NRG3: variants seen among roughly 807,000 people sequenced by gnomAD.
NRG3 encodes the protein pro-neuregulin-3, membrane-bound isoform.
Under a neutral mutation model 66.9 loss-of-function variants are expected in NRG3, and 31 were observed. The ratio of observed to expected loss-of-function variants is 0.46; its 90% CI spans 0.35 to 0.63. The LOEUF (loss-of-function observed/expected upper bound fraction) is 0.63, where lower values mean the gene tolerates loss of function less well. Ranked by LOEUF, NRG3 falls within the 20% of genes least tolerant of loss-of-function variation. The pLI, the probability that NRG3 is intolerant of heterozygous loss-of-function variation, is 0.00. For missense variants in NRG3, 910 were observed against 878.9 expected, an observed-to-expected ratio of 1.04 and a Z score of -0.45; for synonymous variants, 393 against 359.4, an observed-to-expected ratio of 1.09 and a Z score of -1.06.
intron 1 of NRG3, among the ~76,000 whole-genome samples, chr10:82,122,772 C>T (rs926280359): frequency 2.6e-5 from 4 of 152,168 alleles, no homozygotes; most frequent in Non-Finnish European, 5.9e-5. Context: ...TGTGTGTCAA[C>T]AAATTCTCAT....
chr10:82,617,643 G>C (rs2048755697), intron 2 of NRG3, among the ~76,000 whole-genome samples: 1 of 152,114 alleles, frequency 6.6e-6, no homozygotes, highest in South Asian at 2.1e-4. Flanking sequence ...AAGTTTCTTA[G>C]GAAAAACAAT....
At chr10:82,517,986 C>A (rs182943597) in intron 2 of NRG3, among the ~76,000 whole-genome samples, 95 of 152,212 alleles carry the variant, frequency 6.2e-4, no homozygotes, top group Admixed American at 1.9e-3. Context: ...TGGGATAGAT[C>A]TACGCGTATT....
At chr10:81,906,064 G>C (rs544009552) in intron 1 of NRG3, among the ~76,000 whole-genome samples, 1 of 152,074 alleles carries the variant, frequency 6.6e-6, no homozygotes, top group Admixed American at 6.5e-5. Flanking sequence ...TTATTAAAAG[G>C]GTACCTTGTT....
intron 3 of NRG3, among the ~76,000 whole-genome samples, chr10:82,843,061 A>G (rs1438733179): frequency 6.6e-6 from 1 of 152,212 alleles, no homozygotes; most frequent in Non-Finnish European, 1.5e-5. Flanking sequence ...ATATTTTTGG[A>G]CCATAATTGA....
At chr10:82,871,452 A>G (rs964921175) in intron 4 of NRG3, among the ~76,000 whole-genome samples, 1 of 152,152 alleles carries the variant, frequency 6.6e-6, no homozygotes, top group African/African-American at 2.4e-5. Flanking sequence ...AAGATACACA[A>G]TGTAACTTCC....
At chr10:82,030,984 A>G (rs2062544645) in intron 1 of NRG3, among the ~76,000 whole-genome samples, 1 of 152,188 alleles carries the variant, frequency 6.6e-6, no homozygotes, top group Non-Finnish European at 1.5e-5. Context: ...ACCTGATTAT[A>G]AAATCAAAGT....
At chr10:81,941,746 G>A (rs1848421198) in intron 1 of NRG3, among the ~76,000 whole-genome samples, 1 of 152,122 alleles carries the variant, frequency 6.6e-6, no homozygotes, top group Admixed American at 6.6e-5. Flanking sequence ...GGGGAAATCT[G>A]TTCAGGAATA....
intron 1 of NRG3, among the ~76,000 whole-genome samples, chr10:81,983,289 A>C (rs182119539): frequency 6.6e-6 from 1 of 152,216 alleles, no homozygotes; most frequent in African/African-American, 2.4e-5. Flanking sequence ...TTGTTCTAGG[A>C]TACCTGGAAT....
chr10:82,981,069 G>C (rs1852834919), intron 8 of NRG3, among the ~76,000 whole-genome samples: 1 of 152,038 alleles, frequency 6.6e-6, no homozygotes, highest in African/African-American at 2.4e-5. Context: ...TTTTCTATTG[G>C]GCACTGTTAT....
chr10:82,182,360 A>AT lies in NRG3; in HGVS notation c.824-176373dup, dbSNP rs546054954. ...TGATATCTTCCTTTATGTTTCATTGATTTTTTATAGTGACATGCATTGTTT... is the reference window on the plus strand; with the variant it reads ...TGATATCTTCCTTTATGTTTCATTGATTTTTTTATAGTGACATGCATTGTTT... On this transcript the variant is annotated intron_variant, in intron 1 of 8. Coordinates refer to ENST00000372141, the MANE Select transcript of NRG3 (RefSeq NM_001010848.4). Among the ~76,000 whole-genome samples the AT allele has an allele frequency of 1.9e-4, 29 of 151,502 alleles. No individual in the cohort carries two copies. The East Asian group carries it at 4.7e-3, about 24-fold the overall frequency.
At chr10:82,139,964 T>C (rs1383264115) in intron 1 of NRG3, among the ~76,000 whole-genome samples, 4 of 152,140 alleles carry the variant, frequency 2.6e-5, no homozygotes, top group Non-Finnish European at 5.9e-5. Flanking sequence ...GCTGCCATTT[T>C]TGTGTTTTAA....
At chr10:81,931,488 T>A (rs1847343849) in intron 1 of NRG3, among the ~76,000 whole-genome samples, 1 of 152,190 alleles carries the variant, frequency 6.6e-6, no homozygotes, top group African/African-American at 2.4e-5. Context: ...GAACAAAGGC[T>A]GTCATCACTG....
Position 82,507,022 on chromosome 10 carries a change from T to C in NRG3, c.953+148154T>C, listed in dbSNP as rs187210916. Among the ~76,000 whole-genome samples, 195 of 152,318 alleles carry C rather than the reference T, an allele frequency of 1.3e-3. 1 individual carries two copies. The highest frequency in any genetic ancestry group is 4.4e-3 in the African/African-American group (181 of 41,566). On this transcript the variant is annotated intron_variant, in intron 2 of 8. Coordinates refer to ENST00000372141, the MANE Select transcript of NRG3 (RefSeq NM_001010848.4). ...GATATGCTGTAAGGACTGCTGTTCA[T>C]GTCAAAATGTAATCGTGAGGTGAAA...
intron 3 of NRG3, among the ~76,000 whole-genome samples, chr10:82,783,544 G>A (rs2060209863): frequency 6.6e-6 from 1 of 151,990 alleles, no homozygotes; most frequent in Admixed American, 6.6e-5. Context: ...AAAATCACAA[G>A]CATTCTTATA....
intron 2 of NRG3, among the ~76,000 whole-genome samples, chr10:82,394,398 G>A (rs887879142): frequency 4.6e-5 from 7 of 152,178 alleles, no homozygotes; most frequent in Admixed American, 2.0e-4. Flanking sequence ...GTAGACACAG[G>A]AGGAACAAAT....
intron 6 of NRG3, among the ~76,000 whole-genome samples, chr10:82,966,178 T>G (rs929910512): frequency 6.6e-6 from 1 of 152,202 alleles, no homozygotes; most frequent in African/African-American, 2.4e-5. Context: ...GTTGGCATTC[T>G]CACAATTGCT....
At chr10:82,847,008 TG>T (rs2063338055) in intron 3 of NRG3, among the ~76,000 whole-genome samples, 1 of 152,204 alleles carries the variant, frequency 6.6e-6, no homozygotes, top group African/African-American at 2.4e-5. Flanking sequence ...TGTAGGAGTC[TG>T]GGGCTGTTAC....
chr10:81,949,633 G>A (rs1849153647), intron 1 of NRG3, among the ~76,000 whole-genome samples: 1 of 151,990 alleles, frequency 6.6e-6, no homozygotes, highest in African/African-American at 2.4e-5. Flanking sequence ...GTATTTAATG[G>A]TTAAGATTTA....
At chr10:81,985,004 C>T (rs936279952) in intron 1 of NRG3, among the ~76,000 whole-genome samples, 9 of 152,214 alleles carry the variant, frequency 5.9e-5, no homozygotes, top group Admixed American at 5.9e-4. Context: ...ACAAAGGAAA[C>T]ACAGTATGCA....
Sources: allele counts gnomAD v4.1 joint callset (sites outside exome capture counted in the v4.1 genomes callset), GRCh38; gene constraint gnomAD v4.1.1; transcripts MANE v1.5; gene names NCBI Gene and HGNC (gene_info 2026-07-23, HGNC 2026-07-21).